MVD: variants seen among roughly 807,000 people sequenced by gnomAD.
MVD encodes the protein mevalonate diphosphate decarboxylase.
A neutral mutation model predicts 42.4 loss-of-function variants in MVD; 52 were observed. The ratio of observed to expected loss-of-function variants is 1.23; its 90% CI spans 0.98 to 1.55. The LOEUF is 1.55. Among genes scored for constraint, MVD ranks in the 40% most tolerant of loss-of-function variants. The pLI is 0.00. For synonymous variants in MVD, 287 were observed against 243.2 expected, an observed-to-expected ratio of 1.18 and a Z score of -1.68; for missense variants, 663 against 572.1, an observed-to-expected ratio of 1.16 and a Z score of -1.62.
chr16:88,655,770 G>T, intron 5 of MVD, 40 bp from the exon 6 acceptor site: 1 of 1,545,206 alleles, frequency 6.5e-7, no homozygotes, highest in Non-Finnish European at 8.7e-7. Flanking sequence ...ACCCTGCAGG[G>T]GGCCAGCCCC....
At chr16:88,653,557 A>G in intron 8 of MVD, 149 bp from the exon 9 acceptor site, 1 of 637,570 alleles carries the variant, frequency 1.6e-6, no homozygotes, top group East Asian at 3.1e-5. Context: ...CTGTGGGGAC[A>G]GGTTTCTTTT....
chr16:88,653,454 A>G, intron 8 of MVD, 46 bp from the exon 9 acceptor site: 1 of 1,513,806 alleles, frequency 6.6e-7, no homozygotes, highest in Non-Finnish European at 9.0e-7. Context: ...CGTTTCTCTA[A>G]GCGTCTACAA....
At chr16:88,654,597 T>C in intron 8 of MVD, 95 bp downstream of exon 8, 1 of 1,275,640 alleles carries the variant, frequency 7.8e-7, no homozygotes. Flanking sequence ...GGACTCCCTG[T>C]CTCAGCGCCA....
At position 88,658,519 on chromosome 16, in the gene MVD, T is replaced by G. The variant is rs1908083937; in HGVS notation, c.141+131A>C. On this transcript the variant is annotated intron_variant, in intron 2 of 9. Transcript: ENST00000301012. ...GATCATGGTTCACTGTGGTCTCCAATGCCTGGGCTCAAGAGACTCTCCCCA... is the reference window on the plus strand; with the variant it reads ...GATCATGGTTCACTGTGGTCTCCAAGGCCTGGGCTCAAGAGACTCTCCCCA... 2.3e-5 allele frequency: 20 copies of G among 862,170 alleles called. No homozygotes were observed. In the South Asian group the frequency reaches 3.1e-4, roughly 13 times the overall value. 53.4% of individuals were successfully genotyped at this position (862,170 alleles called of 1,614,324 possible).
intron 4 of MVD, 78 bp downstream of exon 4, chr16:88,657,358 C>T: frequency 1.3e-6 from 2 of 1,519,246 alleles, no homozygotes; most frequent in Non-Finnish European, 1.8e-6. Flanking sequence ...CAGCAGTGGG[C>T]TCCCTGACCC....
At chr16:88,655,771 G>A (rs1304715459) in intron 5 of MVD, 41 bp from the exon 6 acceptor site, 2 of 1,544,938 alleles carry the variant, frequency 1.3e-6, no homozygotes, top group Admixed American at 2.0e-5. Flanking sequence ...CCCTGCAGGG[G>A]GCCAGCCCCA....
At chr16:88,662,203 A>C (rs953412800) in intron 1 of MVD, 2 of 152,258 alleles carry the variant, frequency 1.3e-5, no homozygotes, top group African/African-American at 4.8e-5. Context: ...AAAACGTTAG[A>C]TGCTCTTTGC....
rs543527724 is a variant in MVD, at chr16:88,652,362, C to T, written c.*163G>A. 159 of 740,624 alleles carry T rather than the reference C, an allele frequency of 2.1e-4. No homozygotes were observed. Among genetic ancestry groups the T allele is most frequent in the African/African-American group, 1.9e-3 (109 of 58,050 alleles). The allele number at this position is 740,624 out of a possible 1,614,324, so 45.9% of individuals were successfully genotyped here. On this transcript the variant is annotated 3_prime_UTR_variant, in exon 10 of 10. Coordinates refer to ENST00000301012, the MANE Select transcript of MVD (RefSeq NM_002461.3). Reference sequence around the variant, plus strand: ...GCGGGGACCTCTCCTGACACCTGGGCGGCCGCAGGACTCCCTGCACTGCCC... The same window carrying T: ...GCGGGGACCTCTCCTGACACCTGGGTGGCCGCAGGACTCCCTGCACTGCCC...
At chr16:88,659,873 G>A (rs1908179820) in intron 1 of MVD, among the ~76,000 whole-genome samples, 1 of 151,782 alleles carries the variant, frequency 6.6e-6, no homozygotes, top group Non-Finnish European at 1.5e-5. Context: ...AGGCTGAGGC[G>A]GGAAAATCGC....
intron 8 of MVD, among the ~76,000 whole-genome samples, chr16:88,653,910 C>T (rs1275275027): frequency 6.6e-6 from 1 of 152,124 alleles, no homozygotes; most frequent in African/African-American, 2.4e-5. Context: ...CCCCACAGGG[C>T]AGGCCCCTGA....
At chr16:88,655,098 G>T in intron 7 of MVD, 101 bp downstream of exon 7, 1 of 1,339,078 alleles carries the variant, frequency 7.5e-7, no homozygotes, top group South Asian at 1.3e-5. Context: ...TTCAGACACA[G>T]ATTGCCCTGC....
At chr16:88,659,273 G>T (rs1358579255) in intron 1 of MVD, 1 of 172,256 alleles carries the variant, frequency 5.8e-6, no homozygotes, top group African/African-American at 2.4e-5. Context: ...TCGGTTTTGT[G>T]CGAGGGGAGG....
intron 5 of MVD, 171 bp downstream of exon 5, chr16:88,655,934 C>T (rs555425300): frequency 1.4e-4 from 161 of 1,123,430 alleles, no homozygotes; most frequent in African/African-American, 1.3e-3. Flanking sequence ...TGGCGCCCGC[C>T]GCATGGGAGC....
chr16:88,658,088 G>C, intron 2 of MVD, 59 bp from the exon 3 acceptor site: 1 of 1,535,656 alleles, frequency 6.5e-7, no homozygotes, highest in Non-Finnish European at 9.0e-7. Flanking sequence ...TGCCAGCCAG[G>C]TACCCCTTTC....
intron 8 of MVD, among the ~76,000 whole-genome samples, chr16:88,654,105 A>G (rs1389365178): frequency 6.6e-6 from 1 of 151,834 alleles, no homozygotes; most frequent in East Asian, 1.9e-4. Flanking sequence ...GAGGGCGTAC[A>G]TGGGGGCTCT....
At chr16:88,653,221 T>C in intron 9 of MVD, 79 bp downstream of exon 9, 1 of 1,198,732 alleles carries the variant, frequency 8.3e-7, no homozygotes, top group Non-Finnish European at 1.2e-6. Context: ...GCGCTTAGCC[T>C]TTAAGGGCCC....
At chr16:88,653,635 C>G (rs1196119449) in intron 8 of MVD, 13 of 516,892 alleles carry the variant, frequency 2.5e-5, no homozygotes, top group Non-Finnish European at 3.7e-5. Context: ...ATGTCCTCAA[C>G]ACCGCAGGAT....
chr16:88,655,889 T>C, intron 5 of MVD, 159 bp from the exon 6 acceptor site: 2 of 1,114,294 alleles, frequency 1.8e-6, no homozygotes, highest in Non-Finnish European at 2.5e-6. Flanking sequence ...ACAGCAGGGG[T>C]GACGCAGGGG....
At chr16:88,656,981 C>G (rs1907968465) in intron 4 of MVD, 1 of 344,978 alleles carries the variant, frequency 2.9e-6, no homozygotes, top group Non-Finnish European at 5.7e-6. Flanking sequence ...GGGCCTGCAA[C>G]CAGCTGTGCC....
Sources: gnomAD v4.1 joint callset for allele counts (sites outside exome capture counted in the v4.1 genomes callset) on GRCh38, gnomAD v4.1.1 for gene constraint, MANE v1.5 for transcripts, NCBI Gene and HGNC (gene_info 2026-07-23, HGNC 2026-07-21) for gene names.